HDAC5: variants seen among roughly 807,000 people sequenced by gnomAD.
HDAC5 encodes the protein histone deacetylase 5, also known as antigen NY-CO-9.
In HDAC5, 25 loss-of-function variants were observed where a neutral mutation model predicts 133.3. The observed-to-expected ratio is 0.19, with a 90% CI of 0.14 to 0.26. HDAC5 has a LOEUF of 0.26. HDAC5 is among the 10% of genes least tolerant of loss of function. HDAC5 has a pLI of 1.00. For missense variants in HDAC5, 1,041 were observed against 1,460.5 expected (o/e 0.71, Z 4.68); for synonymous variants, 589 against 610.8 (o/e 0.96, Z 0.53).
intron 11 of HDAC5, among the ~76,000 whole-genome samples, chr17:44,089,284 CA>C (rs1365354571): frequency 6.6e-6 from 1 of 152,170 alleles, no homozygotes; most frequent in African/African-American, 2.4e-5. Flanking sequence ...GAGTCCAAGG[CA>C]GGGGGATGGC....
rs2050988418 is a variant in HDAC5, at chr17:44,092,262, T to A, written c.942A>T (p.Ala314=). The A allele has an allele frequency of 6.2e-7, 1 of 1,613,812 alleles. No individual in the cohort carries two copies. The highest frequency in any genetic ancestry group is 8.5e-7 in the Non-Finnish European group (1 of 1,179,930). ...TGGGAGAGCTGGGGCCGGAGCCGGG[T>A]GCGCTGTTACACACGGACGACGCTA... The part of the protein sequence containing the change: ...GPGASSVCNS[A]PGSGPSSPNS... Residue 314 remains alanine, a synonymous_variant, in exon 9 of 27, where the codon GCA becomes GCT. Coordinates refer to ENST00000682912, the MANE Select transcript of HDAC5 (RefSeq NM_005474.5).
Position 44,077,058 on chromosome 17 carries a change from C to T in HDAC5, c.*1318G>A. 1 of 152,864 alleles carries T rather than the reference C, an allele frequency of 6.5e-6. No individual in the cohort carries two copies. The highest frequency in any genetic ancestry group is 1.9e-4 in the East Asian group (1 of 5,190). The allele number at this position is 152,864 out of a possible 1,614,324, so 9.5% of individuals were successfully genotyped here. On this transcript the variant is annotated 3_prime_UTR_variant, in exon 27 of 27. Coordinates refer to ENST00000682912, the MANE Select transcript of HDAC5 (RefSeq NM_005474.5). The stretch of plus-strand genomic sequence containing the variant: ...CTGGCTCCCTCAATCCTGCTCAGGC[C>T]CCCATAGGATAATAAATATGTAAAC...
Position 44,080,874 on chromosome 17 carries a change from G to A in HDAC5, c.2616C>T (p.His872=). The change falls in exon 21 of 27, where the codon CAC becomes CAT. Residue 872 remains histidine (H), a synonymous_variant. Coordinates refer to ENST00000682912, the MANE Select transcript of HDAC5 (RefSeq NM_005474.5). The part of the protein sequence containing the change: ...GKVLIVDWDI[H]HGNGTQQAFY... ...ACGCCTGCTGGGTGCCATTGCCATG[G>A]TGAATGTCCTATGAGGGGAGGTAGA... 6.2e-7 allele frequency: 1 copy of A among 1,614,206 alleles called. No individual in the cohort carries two copies. Among genetic ancestry groups the A allele is most frequent in the Non-Finnish European group, 8.5e-7 (1 of 1,180,022 alleles).
At chr17:44,095,523 G>A (rs1245610586) in intron 3 of HDAC5, among the ~76,000 whole-genome samples, 1 of 152,010 alleles carries the variant, frequency 6.6e-6, no homozygotes, top group African/African-American at 2.4e-5. Flanking sequence ...GGGAATGGGG[G>A]TGGGGTGGGA....
In HDAC5 at chr17:44,087,444, C is replaced by T. The variant is rs201567161; in HGVS notation, c.1852G>A (p.Asp618Asn). The change falls in exon 13 of 27, where the codon GAC (aspartate) becomes AAC (asparagine). Residue 618 changes from aspartate (D) to asparagine (N), a missense_variant. By Grantham distance (23) the Asp-to-Asn change is conservative. Transcript: ENST00000682912. The part of the protein sequence containing the change: ...EGESGAEEGP[D>N]LEEPGAGYKK... ...TATCCAGCACCAGGCTCCTCCAAGT[C>T]GGGCCCCTCCTCAGCACCACTCTCG... The T allele has an allele frequency of 6.1e-5, 78 of 1,284,074 alleles. No individual in the cohort carries two copies. The highest frequency in any genetic ancestry group is 8.3e-5 in the Non-Finnish European group (73 of 879,346). The allele number at this position is 1,284,074 out of a possible 1,614,324, so 79.5% of individuals were successfully genotyped here.
At chr17:44,079,341 A>G (rs1457042460) in intron 23 of HDAC5, 64 bp from the exon 24 acceptor site, 25 of 1,547,256 alleles carry the variant, frequency 1.6e-5, no homozygotes, top group Non-Finnish European at 2.1e-5. Flanking sequence ...TTCAAGAGCC[A>G]GTAAGAGGAG....
chr17:44,123,395 G>C, intron 1 of HDAC5, 109 bp downstream of exon 1: 1 of 342,738 alleles, frequency 2.9e-6, no homozygotes, highest in East Asian at 4.5e-5. Flanking sequence ...GGCGCGGAGC[G>C]CGGCGCGCGC....
Position 44,078,566 on chromosome 17 carries a change from G to A in HDAC5, c.3263C>T (p.Ala1088Val). ...GGCCCCCACCGACAGCAAGGCCATG[G>A]CGCTCACAGTCTCGGCCTCCTCGGT... ...GETEEAETVS[A>V]MALLSVGAEQ... is the part of the protein sequence containing the mutation. Residue 1088 changes from alanine to valine, a missense_variant, in exon 26 of 27, where the codon GCC becomes GTC. By Grantham distance (64) the Ala-to-Val change is moderately conservative. This residue lies in a region of HDAC5 where 95 missense variants were observed against 107.3 expected (regional missense o/e 0.88). Transcript: ENST00000682912. The A allele has an allele frequency of 6.2e-7, 1 of 1,611,690 alleles. No homozygotes were observed. Among genetic ancestry groups the A allele is most frequent in the Non-Finnish European group, 8.5e-7 (1 of 1,179,954 alleles).
rs778298006 is a variant in HDAC5 at position 44,078,633 on chromosome 17, C to T, written c.3196G>A (p.Ala1066Thr). The change falls in exon 26 of 27, where the codon GCT (alanine) becomes ACT (threonine). Residue 1066 changes from alanine to threonine, a missense_variant. Around this residue, in one of 9 missense-constraint regions of HDAC5, gnomAD observed 95 missense variants for 107.3 expected, o/e 0.88. Coordinates refer to ENST00000682912, the MANE Select transcript of HDAC5 (RefSeq NM_005474.5). ...TCTCGCAGGGACCGGCCCAGACCAG[C>T]GGCGAACTTCTGCACACAGCTCCAG... ...KHWSCVQKFA[A>T]GLGRSLREAQ... 13 of 1,605,766 alleles carry T rather than the reference C, an allele frequency of 8.1e-6. No homozygotes were observed. Among genetic ancestry groups the T allele is most frequent in the South Asian group, 5.5e-5 (5 of 90,996 alleles).
chr17:44,095,701 C>CT (rs1206663643), intron 3 of HDAC5, among the ~76,000 whole-genome samples: 3 of 151,178 alleles, frequency 2.0e-5, no homozygotes, highest in Non-Finnish European at 4.4e-5. Flanking sequence ...GCAGCTGTGC[C>CT]TGGGGGGAGG....
chr17:44,083,127 C>T (rs1006505377), intron 18 of HDAC5, among the ~76,000 whole-genome samples: 1 of 152,098 alleles, frequency 6.6e-6, no homozygotes, highest in Admixed American at 6.6e-5. Flanking sequence ...TACAAGCACA[C>T]GCCACCACAC....
chr17:44,100,685 A>G (rs1277395393), intron 3 of HDAC5, among the ~76,000 whole-genome samples: 1 of 148,490 alleles, frequency 6.7e-6, no homozygotes. Context: ...CAGGAGGTGG[A>G]GGTTGCAGTG....
chr17:44,107,960 G>A (rs1328602650), intron 3 of HDAC5, among the ~76,000 whole-genome samples: 1 of 152,118 alleles, frequency 6.6e-6, no homozygotes, highest in African/African-American at 2.4e-5. Flanking sequence ...ACAAGACAAA[G>A]GGGAATCCAG....
At chr17:44,089,002 T>C (rs1015775393) in intron 11 of HDAC5, among the ~76,000 whole-genome samples, 3 of 151,960 alleles carry the variant, frequency 2.0e-5, no homozygotes, top group East Asian at 1.9e-4. Flanking sequence ...GCCAGGATCA[T>C]GTATCTTTCA....
chr17:44,083,439 G>T, intron 18 of HDAC5, 106 bp downstream of exon 18: 1 of 755,842 alleles, frequency 1.3e-6, no homozygotes, highest in Non-Finnish European at 2.2e-6. Context: ...AGTTGAGCTT[G>T]CAAAGGACAG....
rs748783956 is a variant in HDAC5 at position 44,093,109 on chromosome 17, T to G, written c.624A>C (p.Pro208=). The change falls in exon 6 of 27, where the codon CCA becomes CCC. Residue 208 remains proline (P), a synonymous_variant. Coordinates refer to ENST00000682912, the MANE Select transcript of HDAC5 (RefSeq NM_005474.5). ...GCCATTACCAGCATTTGGGGTGCTG[T>G]GGGAGGGAATGGTTGAGGCCGCCTG... ...PTPGGLNHSL[P]QHPKCWGAHH... is the part of the protein sequence containing the mutation. 1 of 1,612,524 alleles carries G rather than the reference T, an allele frequency of 6.2e-7. No individual in the cohort carries two copies. The highest frequency in any genetic ancestry group is 1.7e-5 in the Admixed American group (1 of 59,788).
rs780351740 is a variant in HDAC5, at chr17:44,082,565, C to T, written c.2607+20G>A. 7.5e-6 allele frequency: 12 copies of T among 1,601,344 alleles called. No individual in the cohort carries two copies. The highest frequency in any genetic ancestry group is 1.7e-5 in the Admixed American group (1 of 59,960). ...CTAGCTCTACCCGCCCCTGCCCAGC[C>T]CCACCAGCTCACTGCCTACCCAGTC... On this transcript the variant is annotated intron_variant, in intron 20 of 26. Coordinates refer to ENST00000682912, the MANE Select transcript of HDAC5 (RefSeq NM_005474.5).
intron 3 of HDAC5, among the ~76,000 whole-genome samples, chr17:44,094,363 C>T (rs952853914): frequency 1.3e-5 from 2 of 151,088 alleles, no homozygotes; most frequent in African/African-American, 2.4e-5. Context: ...GGAGGCCGGG[C>T]GCGGTGGCTC....
At chr17:44,079,413 G>A (rs901113486) in intron 23 of HDAC5, 136 bp from the exon 24 acceptor site, 43 of 770,452 alleles carry the variant, frequency 5.6e-5, no homozygotes, top group East Asian at 3.6e-4. Flanking sequence ...AGGCCAAGGC[G>A]GGCAGATCAC....
Sources: allele counts gnomAD v4.1 joint callset (sites outside exome capture counted in the v4.1 genomes callset), GRCh38; gene constraint gnomAD v4.1.1; regional missense constraint gnomAD v4.1.1; transcripts MANE v1.5; gene names NCBI Gene and HGNC (gene_info 2026-07-23, HGNC 2026-07-21).